TMPRSS13: variants seen among roughly 807,000 people sequenced by gnomAD.
TMPRSS13 encodes the protein transmembrane serine protease 13.
TMPRSS13 carries 50 observed loss-of-function variants against 68.4 expected under a neutral mutation model. The ratio of observed to expected loss-of-function variants is 0.73; its 90% CI spans 0.58 to 0.93. The LOEUF is 0.93. Ranked by LOEUF, TMPRSS13 falls within the 40% of genes least tolerant of loss-of-function variation. TMPRSS13 has a pLI of 0.00. For missense variants in TMPRSS13, 615 were observed against 729.2 expected (o/e 0.84, Z 1.80); for synonymous variants, 267 against 285.8 (o/e 0.93, Z 0.66).
chr11:117,914,946 C>T lies in TMPRSS13; in HGVS notation c.557-432G>A, dbSNP rs2057561906. On this transcript the variant is annotated intron_variant, in intron 3 of 12. Transcript: ENST00000524993. This position sits in a 1 kb window ranked among gnomAD's most constrained non-coding sequence, Gnocchi z 4.2. ...GGGTCACAGCAGATAAATTTCTGTC[C>T]TCACAGTCACACAGGCAACCACCGT... Among the ~76,000 whole-genome samples, 1 of 152,044 alleles carries T rather than the reference C, an allele frequency of 6.6e-6. No homozygotes were observed. The highest frequency in any genetic ancestry group is 2.4e-5 in the African/African-American group (1 of 41,370).
rs537468486 is a variant in TMPRSS13, at chr11:117,929,264, C to T, written c.21+23G>A. ...TTCCTCAGCGCTGGGAGAATCTGGC[C>T]CGAGGCCTGAGGTCACACTCACCCC... On this transcript the variant is annotated intron_variant, in intron 1 of 12. Transcript: ENST00000524993. 3.5e-5 allele frequency: 56 copies of T among 1,596,368 alleles called. No individual in the cohort carries two copies. In the African/African-American group the frequency reaches 6.9e-4, roughly 20 times the overall value.
chr11:117,917,030 G>A (rs1480126124), intron 3 of TMPRSS13, 140 bp downstream of exon 3: 8 of 718,948 alleles, frequency 1.1e-5, no homozygotes, highest in East Asian at 8.2e-5. Context: ...AAGGCCATTT[G>A]CAGGAGTGTC....
At chr11:117,908,041 C>G in intron 9 of TMPRSS13, 2 of 1,003,354 alleles carry the variant, frequency 2.0e-6, no homozygotes, top group African/African-American at 3.4e-5. Flanking sequence ...TGAATGTGTA[C>G]TCAGCTTAAG....
intron 1 of TMPRSS13, 46 bp from the exon 2 acceptor site, chr11:117,918,884 C>T: frequency 6.2e-7 from 1 of 1,604,626 alleles, no homozygotes; most frequent in Non-Finnish European, 8.5e-7. Flanking sequence ...CCCCTGCCAA[C>T]CCACCCCAGC....
chr11:117,901,915 T>TG lies in TMPRSS13; in HGVS notation c.*323dup. 1 of 395,856 alleles carries TG rather than the reference T, an allele frequency of 2.5e-6. No individual in the cohort carries two copies. The highest frequency in any genetic ancestry group is 4.7e-6 in the Non-Finnish European group (1 of 213,326). The allele number at this position is 395,856 out of a possible 1,614,324, so 24.5% of individuals were successfully genotyped here. A position where few individuals can be genotyped will look rare whatever the true frequency, so the allele number is the denominator to read the frequency against. Reference sequence around the variant, plus strand: ...GAATTCCCAGCTCTTCCTTGGGCTCTGGGCTCCACCTCCTCCATCCATCTA... The same window carrying TG: ...GAATTCCCAGCTCTTCCTTGGGCTCTGGGGCTCCACCTCCTCCATCCATCTA... On this transcript the variant is annotated 3_prime_UTR_variant, in exon 13 of 13. Transcript: ENST00000524993.
In TMPRSS13 at chr11:117,918,462, C is replaced by A; in HGVS notation, c.398G>T (p.Arg133Leu). The A allele has an allele frequency of 6.2e-7, 1 of 1,614,196 alleles. No homozygotes were observed. Among genetic ancestry groups the A allele is most frequent in the Non-Finnish European group, 8.5e-7 (1 of 1,180,034 alleles). ...RATPVGAVPIRSSPARSAPAT... is the reference protein window; with the variant it reads ...RATPVGAVPILSSPARSAPAT... Reference sequence around the variant, plus strand: ...TGGTGCTGACCTGGCAGGAGATGATCGGATGGGTACAGCCCCCACTGGTGT... The same window carrying A: ...TGGTGCTGACCTGGCAGGAGATGATAGGATGGGTACAGCCCCCACTGGTGT... Residue 133 changes from arginine to leucine, a missense_variant, in exon 2 of 13, where the codon CGA becomes CTA. Physicochemically the swap from Arg to Leu is moderately radical, Grantham distance 102. Coordinates refer to ENST00000524993, the MANE Select transcript of TMPRSS13 (RefSeq NM_001077263.3).
chr11:117,904,400 C>T (rs1258602742), intron 10 of TMPRSS13, among the ~76,000 whole-genome samples: 5 of 152,222 alleles, frequency 3.3e-5, no homozygotes, highest in Non-Finnish European at 7.3e-5. Context: ...CAGCACTTGC[C>T]TACGTTCAAA....
intron 6 of TMPRSS13, 133 bp downstream of exon 6, chr11:117,911,635 C>T (rs2057524139): frequency 1.5e-6 from 1 of 666,568 alleles, no homozygotes; most frequent in African/African-American, 1.8e-5. Context: ...CAAGATGCCC[C>T]TGAACACTCA....
chr11:117,909,806 A>G lies in TMPRSS13; in HGVS notation c.1109T>C (p.Val370Ala), dbSNP rs768922064. ...WVLTAAHCFF[V>A]TREKVLEGWK... ...AATCACCTGCCTCTCAGGCACTTAC[A>G]CGAAGAAGCAGTGGGCGGCAGTGAG... The change falls in exon 8 of 13, where the codon GTG becomes GCG. Residue 370 changes from valine (V) to alanine (A), a missense_variant and splice_region_variant. Coordinates refer to ENST00000524993, the MANE Select transcript of TMPRSS13 (RefSeq NM_001077263.3). 3.1e-6 allele frequency: 5 copies of G among 1,608,850 alleles called. No homozygotes were observed. The highest frequency in any genetic ancestry group is 4.2e-6 in the Non-Finnish European group (5 of 1,178,042).
chr11:117,917,258 C>T lies in TMPRSS13; in HGVS notation c.468G>A (p.Lys156=). 6.2e-7 allele frequency: 1 copy of T among 1,612,376 alleles called. No homozygotes were observed. The highest frequency in any genetic ancestry group is 8.5e-7 in the Non-Finnish European group (1 of 1,179,950). The change falls in exon 3 of 13, where the codon AAG becomes AAA. Residue 156 remains lysine (K), a synonymous_variant. Coordinates refer to ENST00000524993, the MANE Select transcript of TMPRSS13 (RefSeq NM_001077263.3). ...TRESPGTSLP[K]FTWREGQKQL... is the part of the protein sequence containing the mutation. ...GCTTCTGGCCCTCCCGCCAGGTGAA[C>T]TTGGGCAGGCTCGTACCTAGGAGCA...
intron 8 of TMPRSS13, 88 bp downstream of exon 8, chr11:117,909,718 C>A: frequency 6.8e-7 from 1 of 1,472,154 alleles, no homozygotes; most frequent in East Asian, 2.4e-5. Context: ...CAGAATCCTC[C>A]TCCACGAAGA....
At chr11:117,918,890 C>T (rs746019763) in intron 1 of TMPRSS13, 52 bp from the exon 2 acceptor site, 20 of 1,601,674 alleles carry the variant, frequency 1.2e-5, no homozygotes, top group Non-Finnish European at 1.7e-5. Flanking sequence ...CCAACCCACC[C>T]CAGCTGTCAG....
chr11:117,903,849 G>A (rs1165977605), intron 11 of TMPRSS13, 42 bp from the exon 12 acceptor site: 4 of 1,601,684 alleles, frequency 2.5e-6, no homozygotes, highest in African/African-American at 2.7e-5. Context: ...GGGACAGGTG[G>A]TCCATGAGCG....
chr11:117,907,723 A>C, intron 9 of TMPRSS13: 1 of 856,176 alleles, frequency 1.2e-6, no homozygotes. Context: ...CTAGCCTGCC[A>C]GGATGATTAG....
chr11:117,913,430 A>G (rs745307716), intron 5 of TMPRSS13, among the ~76,000 whole-genome samples: 1 of 152,208 alleles, frequency 6.6e-6, no homozygotes, highest in Non-Finnish European at 1.5e-5. Context: ...CAGATATAAG[A>G]AGAAAAGATC....
Position 117,902,266 on chromosome 11 carries a change from C to G in TMPRSS13, c.1678-1G>C. 3 of 1,613,464 alleles carry G rather than the reference C, an allele frequency of 1.9e-6. No individual in the cohort carries two copies. Among genetic ancestry groups the G allele is most frequent in the Non-Finnish European group, 2.5e-6 (3 of 1,179,874 alleles). ...AGGATTTTCTGAATCGCACCTCGCT[C>G]TGAGGAAGAGAATGGGAGAAGAGGG... On this transcript the variant is annotated splice_acceptor_variant, in intron 12 of 12. Transcript: ENST00000524993. LOFTEE classifies it high-confidence loss of function.
chr11:117,926,196 G>A (rs1467797453), intron 1 of TMPRSS13, among the ~76,000 whole-genome samples: 1 of 133,504 alleles, frequency 7.5e-6, no homozygotes, highest in Non-Finnish European at 1.6e-5. Context: ...CAGGTGCCAG[G>A]GTCCTTGGAG....
rs567252239 is a variant in TMPRSS13, at chr11:117,914,424, T to G, written c.647A>C (p.Asp216Ala). The G allele has an allele frequency of 5.5e-5, 89 of 1,614,004 alleles. 1 individual carries two copies. In the East Asian group the frequency reaches 1.8e-3, roughly 33 times the overall value. The change falls in exon 4 of 13, where the codon GAC (aspartate) becomes GCC (alanine). Residue 216 changes from aspartate (D) to alanine (A), a missense_variant. Physicochemically the swap from Asp to Ala is moderately radical, Grantham distance 126. Transcript: ENST00000524993. This position sits in a 1 kb window ranked among gnomAD's most constrained non-coding sequence, Gnocchi z 4.2. ...CAGCTCGTCACTCTTCAGCTTGCAG[T>G]CCACCACCCCGTCACAGCGAACAGC... ...KHAVRCDGVV[D>A]CKLKSDELGC...
intron 8 of TMPRSS13, 36 bp from the exon 9 acceptor site, chr11:117,908,820 G>A (rs770901196): frequency 6.5e-7 from 1 of 1,541,968 alleles, no homozygotes; most frequent in South Asian, 1.2e-5. Context: ...TCCAGTACCT[G>A]CCTGGCAGCG....
Sources: allele counts gnomAD v4.1 joint callset (sites outside exome capture counted in the v4.1 genomes callset), GRCh38; gene constraint gnomAD v4.1.1; non-coding constraint Gnocchi (gnomAD v3.1); transcripts MANE v1.5; gene names NCBI Gene and HGNC (gene_info 2026-07-23, HGNC 2026-07-21).